TRPC3: variants seen among roughly 807,000 people sequenced by gnomAD.
TRPC3 encodes short transient receptor potential channel 3.
In TRPC3, 54 loss-of-function variants were observed where a neutral mutation model predicts 90.9. That is an observed-to-expected ratio of 0.59 (90% CI 0.48 to 0.75). TRPC3 has a LOEUF of 0.75. TRPC3 is among the 30% of genes least tolerant of loss of function. The probability of loss-of-function intolerance (pLI) is 0.00; values close to 1 mark genes in which losing one functional copy is unlikely to be tolerated. For synonymous variants in TRPC3, 424 were observed against 450.9 expected, an observed-to-expected ratio of 0.94 and a Z score of 0.75; for missense variants, 918 against 1,194.5, an observed-to-expected ratio of 0.77 and a Z score of 3.41.
At position 121,875,889 on chromosome 4, in the gene TRPC3, A is replaced by ATTTT. The variant is rs1163932789; in HGVS notation, c.*3843_*3846dup. Among the ~76,000 whole-genome samples the ATTTT allele has an allele frequency of 4.0e-5, 3 of 75,120 alleles. No homozygotes were observed. The highest frequency in any genetic ancestry group is 7.5e-5 in the Non-Finnish European group (3 of 39,976). The allele number at this position is 75,120 out of a possible 152,430, so 49.3% of individuals were successfully genotyped here. A position where few individuals can be genotyped will look rare whatever the true frequency, so the allele number is the denominator to read the frequency against. On this transcript the variant is annotated 3_prime_UTR_variant, in exon 12 of 12. Coordinates refer to ENST00000379645, the MANE Select transcript of TRPC3 (RefSeq NM_001130698.2). Reference sequence around the variant, plus strand: ...ACAAAGTTATAAATACCCATTTTAGATTTTTTTTTTTTTTTTTTTTTTTTT... The same window carrying ATTTT: ...ACAAAGTTATAAATACCCATTTTAGATTTTTTTTTTTTTTTTTTTTTTTTTTTTT...
At chr4:121,895,593 T>C (rs952916873) in intron 10 of TRPC3, among the ~76,000 whole-genome samples, 5 of 151,664 alleles carry the variant, frequency 3.3e-5, no homozygotes, top group African/African-American at 4.8e-5. Flanking sequence ...CCTGGGAAAA[T>C]AGATAAAATC....
Position 121,876,275 on chromosome 4 carries a change from C to T in TRPC3, c.*3461G>A, listed in dbSNP as rs561072507. On this transcript the variant is annotated 3_prime_UTR_variant, in exon 12 of 12. Coordinates refer to ENST00000379645, the MANE Select transcript of TRPC3 (RefSeq NM_001130698.2). ...CTAGCCTGGACAACATAGTGAGACC[C>T]GCCTCTAAAAATGTATTTTAAAAAC... Among the ~76,000 whole-genome samples, 3 of 151,856 alleles carry T rather than the reference C, an allele frequency of 2.0e-5. No homozygotes were observed. Among genetic ancestry groups the T allele is most frequent in the Admixed American group, 6.6e-5 (1 of 15,252 alleles).
chr4:121,922,343 CTAGAA>C (rs1729551647), intron 3 of TRPC3, among the ~76,000 whole-genome samples: 1 of 152,146 alleles, frequency 6.6e-6, no homozygotes, highest in Non-Finnish European at 1.5e-5. Context: ...ATTTATTATT[CTAGAA>C]TAGAATTCTT....
chr4:121,884,822 A>C (rs1179288655), intron 10 of TRPC3, among the ~76,000 whole-genome samples: 1 of 152,192 alleles, frequency 6.6e-6, no homozygotes, highest in East Asian at 1.9e-4. Flanking sequence ...ATATTTATTG[A>C]GAGCCAATTC....
At chr4:121,889,535 C>T (rs545335661) in intron 10 of TRPC3, among the ~76,000 whole-genome samples, 1 of 152,214 alleles carries the variant, frequency 6.6e-6, no homozygotes, top group South Asian at 2.1e-4. Context: ...TTTCACCTCA[C>T]CCTAGTTAGG....
intron 1 of TRPC3, among the ~76,000 whole-genome samples, chr4:121,950,214 T>C (rs1033357647): frequency 7.2e-5 from 11 of 152,172 alleles, no homozygotes; most frequent in Non-Finnish European, 1.3e-4. Context: ...TCCCAGCCAC[T>C]GATTGTGTTC....
chr4:121,947,602 C>T (rs1356806791), intron 1 of TRPC3, among the ~76,000 whole-genome samples: 1 of 152,056 alleles, frequency 6.6e-6, no homozygotes, highest in African/African-American at 2.4e-5. Flanking sequence ...AGCGTTAGAA[C>T]ATTACTTTAC....
At chr4:121,936,372 T>C (rs1730127277) in intron 1 of TRPC3, among the ~76,000 whole-genome samples, 1 of 152,192 alleles carries the variant, frequency 6.6e-6, no homozygotes, top group Non-Finnish European at 1.5e-5. Context: ...TTGCCAGGAA[T>C]TTCCTACCCT....
In TRPC3 at chr4:121,883,317, C is replaced by T. The variant is rs181072288; in HGVS notation, c.2548-888G>A. ...TCAACTTCATTACAATTTAAAATTT[C>T]TGTTTAAAGAGATACTATAAAGAAA... On this transcript the variant is annotated intron_variant, in intron 10 of 11. Transcript: ENST00000379645. Among the ~76,000 whole-genome samples the T allele has an allele frequency of 4.2e-3, 638 of 152,080 alleles. 2 individuals are homozygous for T. The highest frequency in any genetic ancestry group is 7.7e-3 in the Admixed American group (118 of 15,270).
chr4:121,938,297 G>C (rs1267635056), intron 1 of TRPC3, among the ~76,000 whole-genome samples: 1 of 152,098 alleles, frequency 6.6e-6, no homozygotes, highest in African/African-American at 2.4e-5. Context: ...CCTTAAAGCA[G>C]CTCCCACTCC....
chr4:121,912,033 T>C lies in TRPC3; in HGVS notation c.1402A>G (p.Ile468Val), dbSNP rs1729124948. Residue 468 changes from isoleucine to valine, a missense_variant, in exon 5 of 12, where the codon ATC (isoleucine) becomes GTC (valine). By Grantham distance (29) the Ile-to-Val change is conservative (BLOSUM62 3). Coordinates refer to ENST00000379645, the MANE Select transcript of TRPC3 (RefSeq NM_001130698.2). ...KFVAHAASFIIFLGLLVFNAS... is the reference protein window; with the variant it reads ...KFVAHAASFIVFLGLLVFNAS... ...TTGAACACAAGCAGACCCAGGAAGA[T>C]GATGAAAGAAGCTGCATGTGCTACA... The C allele has an allele frequency of 1.2e-6, 2 of 1,613,854 alleles. No homozygotes were observed. The highest frequency in any genetic ancestry group is 1.1e-5 in the South Asian group (1 of 91,072).
intron 2 of TRPC3, among the ~76,000 whole-genome samples, chr4:121,927,758 G>A (rs946159334): frequency 3.9e-5 from 6 of 152,172 alleles, no homozygotes; most frequent in Non-Finnish European, 5.9e-5. Flanking sequence ...TTTTCCCTTC[G>A]TAAGGGAACA....
chr4:121,950,325 C>A (rs1013700911), intron 1 of TRPC3, among the ~76,000 whole-genome samples: 1 of 152,216 alleles, frequency 6.6e-6, no homozygotes, highest in Admixed American at 6.5e-5. Flanking sequence ...GAGGTCTCGG[C>A]CTCGGGCGGT....
Position 121,910,290 on chromosome 4 carries a change from GATGGACAGCATCC to G in TRPC3, c.1643_1655del (p.Gly548AlafsTer11), listed in dbSNP as rs1729034373. ...ATCTGGCTGTGAAAGCAGCAATGAA[GATGGACAGCATCC>G]CAAAGTCAAGCACATTCCACAACTG... On this transcript the variant is annotated frameshift_variant, in exon 6 of 12. Coordinates refer to ENST00000379645, the MANE Select transcript of TRPC3 (RefSeq NM_001130698.2). LOFTEE classifies it high-confidence loss of function. 51 of 1,613,726 alleles carry G rather than the reference GATGGACAGCATCC, an allele frequency of 3.2e-5. No individual in the cohort carries two copies. Among genetic ancestry groups the G allele is most frequent in the Non-Finnish European group, 4.3e-5 (51 of 1,179,810 alleles).
intron 9 of TRPC3, 76 bp downstream of exon 9, chr4:121,902,776 T>C (rs1227936436): frequency 1.7e-6 from 2 of 1,147,420 alleles, no homozygotes; most frequent in Non-Finnish European, 1.2e-6. Flanking sequence ...ATAAAAATTA[T>C]TGAACAAACA....
intron 2 of TRPC3, among the ~76,000 whole-genome samples, chr4:121,927,207 A>T (rs1729751641): frequency 6.6e-6 from 1 of 152,232 alleles, no homozygotes; most frequent in South Asian, 2.1e-4. Context: ...ATAATCCGTG[A>T]ATCTTTAATT....
Position 121,904,418 on chromosome 4 carries a change from A to G in TRPC3, c.2157T>C (p.Ile719=). ...TGTATATTCCATAAAGAACGTATCC[A>G]ATATTTTCTATGAATTTGTGATCAT... ...LKYDHKFIEN[I]GYVLYGIYNV... Residue 719 remains isoleucine (I), a synonymous_variant, in exon 8 of 12, where the codon ATT becomes ATC. Transcript: ENST00000379645. 3 of 1,607,190 alleles carry G rather than the reference A, an allele frequency of 1.9e-6. No homozygotes were observed. The highest frequency in any genetic ancestry group is 1.7e-6 in the Non-Finnish European group (2 of 1,178,122).
chr4:121,919,184 C>A (rs952988251), intron 3 of TRPC3, among the ~76,000 whole-genome samples: 4 of 152,140 alleles, frequency 2.6e-5, no homozygotes, highest in African/African-American at 9.7e-5. Context: ...TAAACTGAAC[C>A]ACTGATCAGG....
intron 10 of TRPC3, among the ~76,000 whole-genome samples, chr4:121,884,006 T>C (rs778203976): frequency 6.6e-6 from 1 of 151,268 alleles, no homozygotes; most frequent in Non-Finnish European, 1.5e-5. Flanking sequence ...CTGTCTGAAA[T>C]TGCAAAACAC....
Sources: gnomAD v4.1 joint callset for allele counts (sites outside exome capture counted in the v4.1 genomes callset) on GRCh38, gnomAD v4.1.1 for gene constraint, MANE v1.5 for transcripts, NCBI Gene and HGNC (gene_info 2026-07-23, HGNC 2026-07-21) for gene names.